Variants in L3MBTL2 observed in about 807,000 individuals in gnomAD.
The protein encoded by L3MBTL2 is L3MBTL histone methyl-lysine binding protein 2, also known as lethal(3)malignant brain tumor-like protein 2.
In L3MBTL2, 49 loss-of-function variants were observed where a neutral mutation model predicts 86.4. The observed-to-expected ratio is 0.57, with a 90% CI of 0.45 to 0.72. L3MBTL2 has a LOEUF of 0.72. L3MBTL2 is among the 30% of genes least tolerant of loss of function. L3MBTL2 has a pLI of 0.00. For synonymous variants in L3MBTL2, 336 were observed against 350.6 expected, an observed-to-expected ratio of 0.96 and a Z score of 0.47; for missense variants, 755 against 923.7, an observed-to-expected ratio of 0.82 and a Z score of 2.37.
In L3MBTL2 at chr22:41,227,302, C is replaced by G; in HGVS notation, c.1801C>G (p.Leu601Val). ...VGWCELTGYQLQPPVAAEPAT... is the reference protein window; with the variant it reads ...VGWCELTGYQVQPPVAAEPAT... ...CTGGTGTGAGCTCACCGGCTACCAG[C>G]TCCAGCCTCCTGTGGCCGCAGGTGT... Residue 601 changes from leucine (L) to valine (V), a missense_variant, in exon 14 of 17, where the codon CTC (leucine) becomes GTC (valine). Leu to Val is a conservative substitution (Grantham distance 32, BLOSUM62 1). Around this residue, in one of 3 missense-constraint regions of L3MBTL2, gnomAD observed 634 missense variants for 748.9 expected, o/e 0.85. Transcript: ENST00000216237. The surrounding 1 kb of genome is among the most constrained non-coding windows in gnomAD (Gnocchi z 6.0). 1 of 1,604,192 alleles carries G rather than the reference C, an allele frequency of 6.2e-7. No homozygotes were observed. The highest frequency in any genetic ancestry group is 8.5e-7 in the Non-Finnish European group (1 of 1,175,810).
intron 2 of L3MBTL2, among the ~76,000 whole-genome samples, chr22:41,213,438 C>T (rs1004284484): frequency 6.8e-6 from 1 of 147,322 alleles, no homozygotes; most frequent in Non-Finnish European, 1.5e-5. Context: ...CAGTTTCCCC[C>T]CGCCAAATCA....
intron 15 of L3MBTL2, chr22:41,228,361 G>A: frequency 5.1e-6 from 5 of 985,490 alleles, no homozygotes; most frequent in Non-Finnish European, 6.0e-6. Flanking sequence ...GGCCGTGGGT[G>A]TCGTTTCCCT....
At chr22:41,222,727 C>T (rs1438773515) in intron 8 of L3MBTL2, among the ~76,000 whole-genome samples, 1 of 152,146 alleles carries the variant, frequency 6.6e-6, no homozygotes, top group Non-Finnish European at 1.5e-5. Context: ...CCAGACTAGC[C>T]TGGCCAACAT....
In L3MBTL2 at chr22:41,210,390, C is replaced by T. The variant is rs574630912; in HGVS notation, c.262+457C>T. 1.7e-3 allele frequency among the ~76,000 whole-genome samples: 266 copies of T among 152,156 alleles called. 2 individuals carry two copies. Among genetic ancestry groups the T allele is most frequent in the African/African-American group, 6.0e-3 (248 of 41,526 alleles). ...TGTTGCCTAGGCTGGAGTGCAGTGGCGCGATCTCGGCTCACTGCAAGCTCT... is the reference window on the plus strand; with the variant it reads ...TGTTGCCTAGGCTGGAGTGCAGTGGTGCGATCTCGGCTCACTGCAAGCTCT... On this transcript the variant is annotated intron_variant, in intron 2 of 16. Coordinates refer to ENST00000216237, the MANE Select transcript of L3MBTL2 (RefSeq NM_031488.5).
At chr22:41,221,431 ATGC>A in intron 8 of L3MBTL2, 144 bp downstream of exon 8, 1 of 715,806 alleles carries the variant, frequency 1.4e-6, no homozygotes, top group Non-Finnish European at 2.4e-6. Flanking sequence ...CTAGAGACAA[ATGC>A]TGCTGCTACG....
Position 41,226,004 on chromosome 22 carries a change from C to T in L3MBTL2, c.1504+63C>T, listed in dbSNP as rs573402565. 374 of 1,531,194 alleles carry T rather than the reference C, an allele frequency of 2.4e-4. No homozygotes were observed. In the African/African-American group the frequency reaches 3.0e-3, roughly 12 times the overall value. 94.9% of individuals were successfully genotyped at this position (1,531,194 alleles called of 1,614,324 possible). ...TCAGAAGGGGCAGGGTGTCCAGGCG[C>T]GGTGGCTCCCGCCTGTAATCCTAGC... On this transcript the variant is annotated intron_variant, in intron 12 of 16. Coordinates refer to ENST00000216237, the MANE Select transcript of L3MBTL2 (RefSeq NM_031488.5).
intron 6 of L3MBTL2, 32 bp downstream of exon 6, chr22:41,219,568 G>A (rs371625330): frequency 2.1e-6 from 3 of 1,417,480 alleles, no homozygotes; most frequent in Non-Finnish European, 3.0e-6. Context: ...GGCCAGGGAT[G>A]TGTCTGCAGA....
chr22:41,229,689 C>T lies in L3MBTL2; in HGVS notation c.2005+33C>T, dbSNP rs570371758. ...CCACCGGGCTGGGTCAAGGCAGGAC[C>T]AGCCTGCTCCGTGCTCAGAGACGAC... On this transcript the variant is annotated intron_variant, in intron 16 of 16. Transcript: ENST00000216237. The T allele has an allele frequency of 3.1e-6, 5 of 1,612,868 alleles. No individual in the cohort carries two copies. The South Asian group carries it at 3.3e-5, about 11-fold the overall frequency.
chr22:41,206,568 G>A (rs2030228059), intron 1 of L3MBTL2, among the ~76,000 whole-genome samples: 2 of 152,066 alleles, frequency 1.3e-5, no homozygotes, highest in African/African-American at 4.8e-5. Flanking sequence ...GGAGGCCGAG[G>A]CGGGCAGATC....
At chr22:41,208,128 A>G (rs1296219943) in intron 1 of L3MBTL2, among the ~76,000 whole-genome samples, 2 of 151,382 alleles carry the variant, frequency 1.3e-5, no homozygotes, top group Non-Finnish European at 2.9e-5. Context: ...CACCGCACCC[A>G]GCTTTTTTTT....
At chr22:41,210,099 C>T (rs546707104) in intron 2 of L3MBTL2, 166 bp downstream of exon 2, 1 of 762,244 alleles carries the variant, frequency 1.3e-6, no homozygotes, top group Admixed American at 3.2e-5. Context: ...ACAGAAGCAC[C>T]CCAAGTAGCC....
Position 41,227,528 on chromosome 22 carries a change from C to T in L3MBTL2, c.1822+205C>T. ...TCCCTCTGGCCTGCAGAGCTCCTTC[C>T]TTCATCTTGCCCACTCTGTCATATG... is the stretch of plus-strand genomic sequence containing the variant. On this transcript the variant is annotated intron_variant, in intron 14 of 16. Transcript: ENST00000216237. This position sits in a 1 kb window ranked among gnomAD's most constrained non-coding sequence, Gnocchi z 6.0. 6.8e-7 allele frequency: 1 copy of T among 1,469,506 alleles called. No homozygotes were observed. Among genetic ancestry groups the T allele is most frequent in the Non-Finnish European group, 9.3e-7 (1 of 1,074,008 alleles). 91.0% of individuals were successfully genotyped at this position (1,469,506 alleles called of 1,614,324 possible).
intron 2 of L3MBTL2, 178 bp from the exon 3 acceptor site, chr22:41,213,715 T>G: frequency 1.6e-6 from 1 of 624,960 alleles, no homozygotes; most frequent in South Asian, 2.4e-5. Flanking sequence ...AGCACTTCAT[T>G]CAGGTAGATT....
rs1427132098 is a variant in L3MBTL2, at chr22:41,217,160, G to A, written c.558G>A (p.Lys186=). ...GCTTCGACTGGGGGAAGTTCCTGAA[G>A]GATCACAGTTACAAGGCTGCTCCCG... ...VLGFDWGKFL[K]DHSYKAAPVS... is the part of the protein sequence containing the mutation. Residue 186 remains lysine (K), a synonymous_variant, in exon 5 of 17, where the codon AAG becomes AAA. Transcript: ENST00000216237. 1 of 1,613,850 alleles carries A rather than the reference G, an allele frequency of 6.2e-7. No homozygotes were observed. Among genetic ancestry groups the A allele is most frequent in the Non-Finnish European group, 8.5e-7 (1 of 1,180,016 alleles).
intron 5 of L3MBTL2, 145 bp downstream of exon 5, chr22:41,217,347 T>A: frequency 1.6e-6 from 1 of 622,754 alleles, no homozygotes; most frequent in Non-Finnish European, 2.8e-6. Context: ...ACTCGCTCCA[T>A]TTCATGTTTA....
At chr22:41,220,987 C>T (rs2031771469) in intron 7 of L3MBTL2, 119 bp downstream of exon 7, 1 of 1,237,746 alleles carries the variant, frequency 8.1e-7, no homozygotes, top group African/African-American at 1.5e-5. Context: ...AATCCACTTG[C>T]CCCCTGGCTT....
rs969832424 is a variant in L3MBTL2, at chr22:41,225,238, T to G, written c.1356+167T>G. Among the ~76,000 whole-genome samples, 1 of 152,214 alleles carries G rather than the reference T, an allele frequency of 6.6e-6. No homozygotes were observed. Among genetic ancestry groups the G allele is most frequent in the South Asian group, 2.1e-4 (1 of 4,834 alleles). On this transcript the variant is annotated intron_variant, in intron 11 of 16. Coordinates refer to ENST00000216237, the MANE Select transcript of L3MBTL2 (RefSeq NM_031488.5). This position sits in a 1 kb window ranked among gnomAD's most constrained non-coding sequence, Gnocchi z 4.1. ...TTGTGAGTGGGGCCTGGCCTGCCCC[T>G]TGCTCAGAATCTGCTTTCGTGTCAG... is the stretch of plus-strand genomic sequence containing the variant.
At chr22:41,213,671 T>C (rs2031103390) in intron 2 of L3MBTL2, 1 of 439,400 alleles carries the variant, frequency 2.3e-6, no homozygotes, top group African/African-American at 2.0e-5. Context: ...TTAGCCCCTC[T>C]GTTGACATCT....
chr22:41,229,871 C>G, intron 16 of L3MBTL2: 1 of 774,698 alleles, frequency 1.3e-6, no homozygotes, highest in Non-Finnish European at 2.2e-6. Flanking sequence ...GGCCCCGGCC[C>G]CTCCTCCTCC....
Sources: gnomAD v4.1 joint callset for allele counts (sites outside exome capture counted in the v4.1 genomes callset) on GRCh38, gnomAD v4.1.1 for gene constraint, gnomAD v4.1.1 regional missense constraint, Gnocchi (gnomAD v3.1) non-coding constraint, MANE v1.5 for transcripts, NCBI Gene and HGNC (gene_info 2026-07-23, HGNC 2026-07-21) for gene names.